FNBP1L: variants seen among roughly 807,000 people sequenced by gnomAD.
FNBP1L encodes the protein formin-binding protein 1-like.
A neutral mutation model predicts 91.2 loss-of-function variants in FNBP1L; 36 were observed. The ratio of observed to expected loss-of-function variants is 0.39; its 90% CI spans 0.30 to 0.52. The LOEUF (loss-of-function observed/expected upper bound fraction) is 0.52. FNBP1L is among the 20% of genes least tolerant of loss of function. The pLI, the probability that FNBP1L is intolerant of heterozygous loss-of-function variation, is 0.66. For synonymous variants in FNBP1L, 242 were observed against 237.0 expected (o/e 1.02, Z -0.19); for missense variants, 571 against 732.1 (o/e 0.78, Z 2.54).
intron 1 of FNBP1L, among the ~76,000 whole-genome samples, chr1:93,474,244 A>G (rs1196897965): frequency 6.6e-6 from 1 of 150,988 alleles, no homozygotes; most frequent in Non-Finnish European, 1.5e-5. Flanking sequence ...CTCCGTCTCA[A>G]AAAAAACAAA....
At chr1:93,497,996 G>A (rs1670325114) in intron 1 of FNBP1L, among the ~76,000 whole-genome samples, 1 of 151,540 alleles carries the variant, frequency 6.6e-6, no homozygotes, top group South Asian at 2.1e-4. Context: ...TAAAAATAAT[G>A]TTCATTTCAT....
At chr1:93,499,632 C>A in intron 2 of FNBP1L, 49 bp downstream of exon 2, 1 of 1,084,300 alleles carries the variant, frequency 9.2e-7, no homozygotes, top group Non-Finnish European at 1.3e-6. Context: ...CATGTTTAAA[C>A]AGTTGAATAT....
chr1:93,495,977 A>G (rs1670246406), intron 1 of FNBP1L, among the ~76,000 whole-genome samples: 1 of 152,186 alleles, frequency 6.6e-6, no homozygotes, highest in Admixed American at 6.5e-5. Flanking sequence ...ATAGAGAAAA[A>G]TTTCTTTTAA....
At chr1:93,537,586 A>G (rs966083243) in intron 10 of FNBP1L, among the ~76,000 whole-genome samples, 1 of 152,062 alleles carries the variant, frequency 6.6e-6, no homozygotes, top group African/African-American at 2.4e-5. Flanking sequence ...CATTTTCTGG[A>G]CTTCTTTTTT....
intron 1 of FNBP1L, among the ~76,000 whole-genome samples, chr1:93,452,634 CT>C (rs1201318452): frequency 2.0e-5 from 3 of 152,266 alleles, no homozygotes; most frequent in African/African-American, 7.2e-5. Flanking sequence ...TTGCTATATT[CT>C]CAGGCCAGTC....
At chr1:93,460,567 A>C (rs1383900783) in intron 1 of FNBP1L, among the ~76,000 whole-genome samples, 1 of 152,254 alleles carries the variant, frequency 6.6e-6, no homozygotes, top group African/African-American at 2.4e-5. Context: ...TCCCAGGCAC[A>C]TGTTTTCAGG....
intron 12 of FNBP1L, among the ~76,000 whole-genome samples, chr1:93,546,034 T>C (rs1672215186): frequency 6.6e-6 from 1 of 152,108 alleles, no homozygotes; most frequent in Non-Finnish European, 1.5e-5. Context: ...GAGATATGCA[T>C]TTGAAAATCA....
chr1:93,451,813 G>A (rs868508826), intron 1 of FNBP1L, among the ~76,000 whole-genome samples: 15 of 151,960 alleles, frequency 9.9e-5, no homozygotes, highest in East Asian at 1.9e-4. Context: ...CACCATGCCC[G>A]ACTAATTTTT....
chr1:93,506,028 AAG>A (rs1169385464), intron 2 of FNBP1L, among the ~76,000 whole-genome samples: 3 of 152,164 alleles, frequency 2.0e-5, no homozygotes, highest in Non-Finnish European at 2.9e-5. Context: ...TTTTTACTAT[AAG>A]AGAGAAGATT....
At chr1:93,475,025 G>A (rs947291598) in intron 1 of FNBP1L, among the ~76,000 whole-genome samples, 1 of 152,008 alleles carries the variant, frequency 6.6e-6, no homozygotes, top group Admixed American at 6.6e-5. Context: ...GAGAACTAGA[G>A]CCAAGGTCAT....
At chr1:93,548,009 T>A (rs528623282) in intron 14 of FNBP1L, among the ~76,000 whole-genome samples, 34 of 152,310 alleles carry the variant, frequency 2.2e-4, no homozygotes, top group African/African-American at 7.9e-4. Flanking sequence ...CAGTGTAATC[T>A]GAGCAAGTTC....
At chr1:93,509,027 C>G (rs897037645) in intron 2 of FNBP1L, among the ~76,000 whole-genome samples, 4 of 152,124 alleles carry the variant, frequency 2.6e-5, no homozygotes, top group African/African-American at 9.7e-5. Flanking sequence ...TTAGGATTGA[C>G]TTTCATTGGC....
chr1:93,542,776 CTTTTTTT>C (rs34922906), intron 11 of FNBP1L, among the ~76,000 whole-genome samples: 1 of 125,588 alleles, frequency 8.0e-6, no homozygotes, highest in African/African-American at 3.1e-5. Context: ...TTTTCTTTAC[CTTTTTTT>C]TTTTTTTTTT....
At chr1:93,499,298 G>C (rs1015358061) in intron 1 of FNBP1L, among the ~76,000 whole-genome samples, 170 bp from the exon 2 acceptor site, 6 of 152,080 alleles carry the variant, frequency 3.9e-5, no homozygotes, top group Admixed American at 2.6e-4. Flanking sequence ...TTATGCTTAG[G>C]GACGACCTAT....
At position 93,474,634 on chromosome 1, in the gene FNBP1L, A is replaced by G. The variant is rs772996403; in HGVS notation, c.25-24834A>G. 4.6e-5 allele frequency among the ~76,000 whole-genome samples: 7 copies of G among 152,186 alleles called. 1 individual carries two copies. Among genetic ancestry groups the G allele is most frequent in the Non-Finnish European group, 7.3e-5 (5 of 68,030 alleles). On this transcript the variant is annotated intron_variant, in intron 1 of 16. Transcript: ENST00000271234. The stretch of plus-strand genomic sequence containing the variant: ...AGAGATTCTGATTTACTAGGTCTGG[A>G]GAGTATATATTTTAAAAATCCTACC...
Position 93,507,282 on chromosome 1 carries a change from A to G in FNBP1L, c.140+7699A>G, listed in dbSNP as rs145292496. On this transcript the variant is annotated intron_variant, in intron 2 of 16. Coordinates refer to ENST00000271234, the MANE Select transcript of FNBP1L (RefSeq NM_001164473.3). ...TTCAGTTAGCTCCTGATTTATGACA[A>G]CATACTAAAAACATGTCTTACACAT... Among the ~76,000 whole-genome samples, 290 of 151,996 alleles carry G rather than the reference A, an allele frequency of 1.9e-3. 2 individuals carry two copies. The highest frequency in any genetic ancestry group is 6.7e-3 in the African/African-American group (279 of 41,452).
chr1:93,526,151 C>T (rs1384948336), intron 5 of FNBP1L, among the ~76,000 whole-genome samples: 1 of 151,988 alleles, frequency 6.6e-6, no homozygotes, highest in African/African-American at 2.4e-5. Context: ...GACAGAAGAG[C>T]CTGTAAAGGA....
intron 1 of FNBP1L, among the ~76,000 whole-genome samples, chr1:93,482,940 C>G: frequency 6.6e-6 from 1 of 151,740 alleles, no homozygotes; most frequent in African/African-American, 2.4e-5. Flanking sequence ...ATGGCTTGAA[C>G]CCAGGAGGCG....
chr1:93,516,279 G>C (rs1671109324), intron 2 of FNBP1L, among the ~76,000 whole-genome samples: 1 of 152,232 alleles, frequency 6.6e-6, no homozygotes, highest in Middle Eastern at 3.4e-3. Flanking sequence ...ATCCTGGAAG[G>C]GGGCACCCGG....
Sources: allele counts gnomAD v4.1 joint callset (sites outside exome capture counted in the v4.1 genomes callset), GRCh38; gene constraint gnomAD v4.1.1; transcripts MANE v1.5; gene names NCBI Gene and HGNC (gene_info 2026-07-23, HGNC 2026-07-21).